PLCB4: variants seen among roughly 807,000 people sequenced by gnomAD.
PLCB4 encodes phospholipase C beta 4.
A neutral mutation model predicts 178.8 loss-of-function variants in PLCB4; 77 were observed. The observed-to-expected ratio is 0.43, with a 90% confidence interval of 0.36 to 0.52. The LOEUF (loss-of-function observed/expected upper bound fraction) is 0.52. Among genes scored for constraint, PLCB4 ranks in the 20% least tolerant of loss-of-function variants. The pLI is 0.00. For missense variants in PLCB4, 1,024 were observed against 1,453.4 expected, an observed-to-expected ratio of 0.70 and a Z score of 4.80; for synonymous variants, 496 against 490.8, an observed-to-expected ratio of 1.01 and a Z score of -0.14.
At chr20:9,280,597 T>C in intron 3 of PLCB4, 1 of 256,774 alleles carries the variant, frequency 3.9e-6, no homozygotes, top group Non-Finnish European at 6.1e-6. Context: ...CTTGCTTGGA[T>C]TTTTAGTGTT....
intron 3 of PLCB4, among the ~76,000 whole-genome samples, chr20:9,265,975 A>G (rs754528787): frequency 6.6e-6 from 1 of 152,220 alleles, no homozygotes; most frequent in South Asian, 2.1e-4. Context: ...TTTGAGGAGC[A>G]CGCCTCTAAA....
rs190080526 is a variant in PLCB4 at position 9,194,773 on chromosome 20, C to G, written c.-78-22617C>G. The stretch of plus-strand genomic sequence containing the variant: ...AATGGATGCATCTGTAAAATTGTAT[C>G]TCTCATAAATCATTCTAATAATATT... On this transcript the variant is annotated intron_variant, in intron 2 of 39. Transcript: ENST00000378473. 1.1e-3 allele frequency among the ~76,000 whole-genome samples: 172 copies of G among 149,896 alleles called. 1 individual carries two copies. Among genetic ancestry groups the G allele is most frequent in the Admixed American group, 3.4e-3 (52 of 15,078 alleles).
intron 1 of PLCB4, among the ~76,000 whole-genome samples, chr20:9,091,651 G>A (rs760415351): frequency 7.3e-5 from 11 of 150,236 alleles, no homozygotes; most frequent in Non-Finnish European, 1.5e-4. Context: ...ACTGGGGAGC[G>A]GTGAAGACTG....
intron 9 of PLCB4, among the ~76,000 whole-genome samples, chr20:9,369,117 A>G (rs1282121186): frequency 6.6e-6 from 1 of 152,060 alleles, no homozygotes; most frequent in African/African-American, 2.4e-5. Flanking sequence ...AAAAGATTCA[A>G]TTTCTGTGTA....
intron 33 of PLCB4, among the ~76,000 whole-genome samples, chr20:9,456,095 C>T (rs547071084): frequency 2.0e-5 from 3 of 152,158 alleles, no homozygotes; most frequent in African/African-American, 7.2e-5. Context: ...CTTGGCTTCC[C>T]GAAGTGCTGG....
Position 9,337,221 on chromosome 20 carries a change from G to T in PLCB4, c.165+15G>T. 1 of 1,587,318 alleles carries T rather than the reference G, an allele frequency of 6.3e-7. No homozygotes were observed. Among genetic ancestry groups the T allele is most frequent in the South Asian group, 1.1e-5 (1 of 90,496 alleles). On this transcript the variant is annotated intron_variant, in intron 5 of 39. Coordinates refer to ENST00000378473, the MANE Select transcript of PLCB4 (RefSeq NM_001377142.1). ...GTGAAGGCAAGGTATGGCCCAAGAAGAGCAAGTTGTTCTTTCTGCTTTGTG... is the reference window on the plus strand; with the variant it reads ...GTGAAGGCAAGGTATGGCCCAAGAATAGCAAGTTGTTCTTTCTGCTTTGTG...
At chr20:9,259,842 A>C (rs1378305315) in intron 3 of PLCB4, among the ~76,000 whole-genome samples, 1 of 152,158 alleles carries the variant, frequency 6.6e-6, no homozygotes, top group Non-Finnish European at 1.5e-5. Context: ...TAATTTTTAT[A>C]TTGATTACAT....
chr20:9,400,939 A>T (rs115162725), intron 19 of PLCB4, among the ~76,000 whole-genome samples: 190 of 152,112 alleles, frequency 1.2e-3, no homozygotes, highest in African/African-American at 4.1e-3. Context: ...AGCCTTTGAA[A>T]CCTATGCTAG....
chr20:9,069,998 T>C (rs1467966473), intron 1 of PLCB4, among the ~76,000 whole-genome samples: 1 of 152,174 alleles, frequency 6.6e-6, no homozygotes, highest in East Asian at 1.9e-4. Context: ...TATTTGAAAT[T>C]TAATTTTGGC....
intron 16 of PLCB4, 48 bp downstream of exon 16, chr20:9,390,006 A>C (rs767694258): frequency 2.1e-6 from 2 of 962,538 alleles, no homozygotes; most frequent in South Asian, 2.7e-5. Context: ...ATTGTTTCCT[A>C]ACCCCTAATG....
intron 9 of PLCB4, among the ~76,000 whole-genome samples, chr20:9,365,898 G>A (rs34850129): frequency 2.2e-4 from 34 of 152,172 alleles, no homozygotes; most frequent in Non-Finnish European, 4.0e-4. Context: ...GGTGTGGACC[G>A]TGTCTTGAGA....
At chr20:9,281,935 C>T (rs928328972) in intron 3 of PLCB4, among the ~76,000 whole-genome samples, 2 of 151,936 alleles carry the variant, frequency 1.3e-5, no homozygotes, top group Non-Finnish European at 2.9e-5. Flanking sequence ...GTGAAAAATA[C>T]AGCCAAATGT....
At chr20:9,083,378 T>TACAC (rs11469387) in intron 1 of PLCB4, among the ~76,000 whole-genome samples, 135 of 150,718 alleles carry the variant, frequency 9.0e-4, no homozygotes, top group African/African-American at 3.2e-3. Context: ...CACACACTCA[T>TACAC]ACACACACAC....
chr20:9,397,616 C>T (rs182288403), intron 19 of PLCB4, among the ~76,000 whole-genome samples: 1 of 152,322 alleles, frequency 6.6e-6, no homozygotes, highest in East Asian at 1.9e-4. Flanking sequence ...TTAATAAAGA[C>T]TCCTGACTGT....
rs111268722 is a variant in PLCB4 at position 9,169,201 on chromosome 20, C to T, written c.-78-48189C>T. 6.0e-3 allele frequency among the ~76,000 whole-genome samples: 906 copies of T among 152,232 alleles called. 6 individuals are homozygous for T. The highest frequency in any genetic ancestry group is 0.01 in the Non-Finnish European group (714 of 68,024). On this transcript the variant is annotated intron_variant, in intron 2 of 39. Transcript: ENST00000378473. ...TTATTTGTGAGGAGCTGCTTCCTTC[C>T]TCTCACTTAACACACAATTTTCCAA...
intron 3 of PLCB4, among the ~76,000 whole-genome samples, chr20:9,232,255 A>T (rs1303128465): frequency 1.3e-5 from 2 of 152,130 alleles, no homozygotes; most frequent in African/African-American, 4.8e-5. Context: ...GCATAGATAC[A>T]TTTTATTGCA....
At chr20:9,269,343 T>G (rs1484152187) in intron 3 of PLCB4, among the ~76,000 whole-genome samples, 1 of 152,302 alleles carries the variant, frequency 6.6e-6, no homozygotes, top group East Asian at 1.9e-4. Context: ...TGCCAAGACC[T>G]GACCAATTAG....
intron 3 of PLCB4, among the ~76,000 whole-genome samples, chr20:9,292,113 G>A (rs1029440542): frequency 2.6e-5 from 4 of 152,152 alleles, no homozygotes; most frequent in African/African-American, 9.7e-5. Context: ...CCTTTCCAAA[G>A]CACTTTGCCC....
chr20:9,364,591 C>T (rs2035618028), intron 8 of PLCB4, among the ~76,000 whole-genome samples: 1 of 152,220 alleles, frequency 6.6e-6, no homozygotes, highest in Non-Finnish European at 1.5e-5. Context: ...AATCAAGCTC[C>T]ATCTGAAACC....
Sources: gnomAD v4.1 joint callset for allele counts (sites outside exome capture counted in the v4.1 genomes callset) on GRCh38, gnomAD v4.1.1 for gene constraint, MANE v1.5 for transcripts, NCBI Gene and HGNC (gene_info 2026-07-23, HGNC 2026-07-21) for gene names.